Variants in MSRA observed in about 807,000 individuals in gnomAD.
MSRA encodes the protein mitochondrial peptide methionine sulfoxide reductase.
MSRA carries 54 observed loss-of-function variants against 31.3 expected under a neutral mutation model. The observed-to-expected ratio is 1.73, with a 90% CI of 1.39 to 2.17. MSRA has a LOEUF of 2.17. Ranked by LOEUF, MSRA falls within the 30% of genes most tolerant of loss-of-function variation. The pLI, the probability that MSRA is intolerant of heterozygous loss-of-function variation, is 0.00. For synonymous variants in MSRA, 169 were observed against 116.5 expected, an observed-to-expected ratio of 1.45 and a Z score of -2.90; for missense variants, 507 against 300.9, an observed-to-expected ratio of 1.69 and a Z score of -5.07.
In MSRA at chr8:10,378,332, T is replaced by C. The variant is rs192254372; in HGVS notation, c.544-49816T>C. Among the ~76,000 whole-genome samples, 574 of 152,238 alleles carry C rather than the reference T, an allele frequency of 3.8e-3. 6 individuals are homozygous for C. Among genetic ancestry groups the C allele is most frequent in the African/African-American group, 0.013 (549 of 41,554 alleles). ...AAGCTGTTGCCCAGTGAGAGACTCA[T>C]TGGGTGGGCAGCTGCCCCAAGGAAC... On this transcript the variant is annotated intron_variant, in intron 5 of 5. Transcript: ENST00000317173.
intron 1 of MSRA, among the ~76,000 whole-genome samples, chr8:10,128,421 G>C (rs1000368143): frequency 1.3e-5 from 2 of 152,056 alleles, no homozygotes; most frequent in African/African-American, 4.8e-5. Flanking sequence ...GTGATGATCA[G>C]ATGTGAACAT....
intron 1 of MSRA, among the ~76,000 whole-genome samples, chr8:10,075,451 T>C (rs746917851): frequency 2.6e-5 from 4 of 152,222 alleles, no homozygotes; most frequent in Non-Finnish European, 4.4e-5. Context: ...TGGCTGACTT[T>C]CCAAGCAGTT....
At chr8:10,140,586 C>T (rs1802615852) in intron 1 of MSRA, among the ~76,000 whole-genome samples, 1 of 152,104 alleles carries the variant, frequency 6.6e-6, no homozygotes, top group African/African-American at 2.4e-5. Context: ...ACATACAACC[C>T]CTACATGAAC....
intron 1 of MSRA, among the ~76,000 whole-genome samples, chr8:10,190,467 G>C (rs1422314424): frequency 6.6e-6 from 1 of 152,218 alleles, no homozygotes; most frequent in Non-Finnish European, 1.5e-5. Flanking sequence ...AATCCAGAGG[G>C]TGATGTTGCC....
At position 10,380,891 on chromosome 8, in the gene MSRA, A is replaced by G. The variant is rs1456076563; in HGVS notation, c.544-47257A>G. On this transcript the variant is annotated intron_variant, in intron 5 of 5. Transcript: ENST00000317173. Reference sequence around the variant, plus strand: ...GCTGGATGGGTGGGTGGGTAGATGGATGGATGGAAGGCTGGAGGGAGGGGG... The same window carrying G: ...GCTGGATGGGTGGGTGGGTAGATGGGTGGATGGAAGGCTGGAGGGAGGGGG... Among the ~76,000 whole-genome samples, 6 of 144,630 alleles carry G rather than the reference A, an allele frequency of 4.1e-5. No homozygotes were observed. In the East Asian group the frequency reaches 1.1e-3, roughly 27 times the overall value. The allele number at this position is 144,630 out of a possible 152,430, so 94.9% of individuals were successfully genotyped here.
chr8:10,419,210 G>A (rs911553604), intron 5 of MSRA, among the ~76,000 whole-genome samples: 28 of 152,202 alleles, frequency 1.8e-4, no homozygotes, highest in African/African-American at 6.7e-4. Flanking sequence ...CACCTCTCAC[G>A]TGTCGCAGGA....
chr8:10,288,605 C>G (rs1800063280), intron 3 of MSRA, among the ~76,000 whole-genome samples: 2 of 152,132 alleles, frequency 1.3e-5, no homozygotes, highest in Non-Finnish European at 2.9e-5. Flanking sequence ...AAGGCCAAGA[C>G]TTTCCTCAGA....
chr8:10,247,214 C>G (rs1161997113), intron 3 of MSRA, among the ~76,000 whole-genome samples: 1 of 152,162 alleles, frequency 6.6e-6, no homozygotes, highest in Non-Finnish European at 1.5e-5. Flanking sequence ...CTAAGCAGTT[C>G]CATGAAGTAT....
At chr8:10,344,202 G>C (rs1399493401) in intron 5 of MSRA, among the ~76,000 whole-genome samples, 2 of 152,252 alleles carry the variant, frequency 1.3e-5, no homozygotes, top group Admixed American at 6.5e-5. Flanking sequence ...GTGTGATCGA[G>C]GCAAGTGCCT....
At chr8:10,124,793 T>A (rs1033600544) in intron 1 of MSRA, among the ~76,000 whole-genome samples, 3 of 139,886 alleles carry the variant, frequency 2.1e-5, no homozygotes, top group African/African-American at 8.3e-5. Context: ...AGATATGAAT[T>A]CAGTAAAAAT....
chr8:10,337,708 G>C (rs984873726), intron 5 of MSRA: 25 of 702,456 alleles, frequency 3.6e-5, no homozygotes, highest in Non-Finnish European at 4.9e-5. Flanking sequence ...TCTCTCGGCA[G>C]CTGGTGCTTC....
chr8:10,097,834 C>T (rs755720240), intron 1 of MSRA, among the ~76,000 whole-genome samples: 15 of 152,098 alleles, frequency 9.9e-5, no homozygotes, highest in Non-Finnish European at 1.9e-4. Context: ...TTAAATTTTT[C>T]GATACTGGTA....
chr8:10,361,374 G>A (rs921296101), intron 5 of MSRA, among the ~76,000 whole-genome samples: 2 of 152,194 alleles, frequency 1.3e-5, no homozygotes, highest in Non-Finnish European at 2.9e-5. Context: ...TGGGAGACTT[G>A]TGCTTGGGAC....
At chr8:10,064,004 G>C (rs929298993) in intron 1 of MSRA, among the ~76,000 whole-genome samples, 1 of 152,176 alleles carries the variant, frequency 6.6e-6, no homozygotes, top group East Asian at 1.9e-4. Context: ...TGGAACTAGG[G>C]CTTTGGGGCT....
rs557212486 is a variant in MSRA at position 10,119,150 on chromosome 8, C to T, written c.142+64492C>T. ...TCTCATAGTTCATAGCTTGTGTCTA[C>T]ACAAGAACTCTCTAAACATGTGATA... On this transcript the variant is annotated intron_variant, in intron 1 of 5. Transcript: ENST00000317173. Among the ~76,000 whole-genome samples the T allele has an allele frequency of 2.0e-5, 3 of 152,324 alleles. No homozygotes were observed. The South Asian group carries it at 6.2e-4, about 32-fold the overall frequency.
At chr8:10,087,359 CTCTG>C (rs1798614229) in intron 1 of MSRA, among the ~76,000 whole-genome samples, 2 of 152,194 alleles carry the variant, frequency 1.3e-5, no homozygotes, top group African/African-American at 2.4e-5. Context: ...TTGCATGTCT[CTCTG>C]TCTGTCCTGA....
chr8:10,180,462 G>T (rs149672974), intron 1 of MSRA, among the ~76,000 whole-genome samples: 143 of 152,214 alleles, frequency 9.4e-4, no homozygotes, highest in African/African-American at 3.4e-3. Context: ...TAAATCACTG[G>T]CCTCTTCCCT....
intron 1 of MSRA, among the ~76,000 whole-genome samples, chr8:10,141,890 A>G (rs1802742809): frequency 6.6e-6 from 1 of 152,186 alleles, no homozygotes; most frequent in African/African-American, 2.4e-5. Context: ...CACTCAGTCA[A>G]TGTTGATGAC....
At chr8:10,176,090 C>T (rs73530998) in intron 1 of MSRA, among the ~76,000 whole-genome samples, 29,515 of 152,138 alleles carry the variant, frequency 0.19, 6,653 homozygotes, top group African/African-American at 0.55. Context: ...AGAATAGGAC[C>T]TATTAGATCT....
Sources: gnomAD v4.1 joint callset for allele counts (sites outside exome capture counted in the v4.1 genomes callset) on GRCh38, gnomAD v4.1.1 for gene constraint, MANE v1.5 for transcripts, NCBI Gene and HGNC (gene_info 2026-07-23, HGNC 2026-07-21) for gene names.